The following LIMCH1 variants were observed in gnomAD, a reference collection of about 807,000 sequenced individuals.
LIMCH1 encodes LIM and calponin homology domains-containing protein 1.
In LIMCH1, 113 loss-of-function variants were observed where a neutral mutation model predicts 176.5. The observed-to-expected ratio is 0.64, with a 90% CI of 0.55 to 0.75. LIMCH1 has a LOEUF of 0.75. LIMCH1 is among the 30% of genes least tolerant of loss of function. LIMCH1 has a pLI of 0.00. For synonymous variants in LIMCH1, 619 were observed against 645.9 expected, an observed-to-expected ratio of 0.96 and a Z score of 0.63; for missense variants, 1,674 against 1,814.9, an observed-to-expected ratio of 0.92 and a Z score of 1.41.
chr4:41,491,147 C>G (rs2070822375), intron 1 of LIMCH1, among the ~76,000 whole-genome samples: 1 of 151,278 alleles, frequency 6.6e-6, no homozygotes, highest in Non-Finnish European at 1.5e-5. Flanking sequence ...AGGCGCTCCC[C>G]ACCTCCCAGA....
intron 7 of LIMCH1, among the ~76,000 whole-genome samples, chr4:41,624,290 A>G (rs910939949): frequency 6.6e-6 from 1 of 152,094 alleles, no homozygotes; most frequent in African/African-American, 2.4e-5. Context: ...TACAGAGGGG[A>G]AAACAAGGCA....
chr4:41,634,469 C>G (rs184439318), intron 13 of LIMCH1, among the ~76,000 whole-genome samples: 4 of 152,310 alleles, frequency 2.6e-5, no homozygotes, highest in Non-Finnish European at 5.9e-5. Flanking sequence ...CAATGGAGTT[C>G]TGCTTCTCCA....
chr4:41,595,595 G>T (rs2088601534), intron 1 of LIMCH1, among the ~76,000 whole-genome samples: 1 of 152,136 alleles, frequency 6.6e-6, no homozygotes, highest in African/African-American at 2.4e-5. Context: ...CCTCAGAACA[G>T]ACCTGGTAGC....
intron 1 of LIMCH1, among the ~76,000 whole-genome samples, chr4:41,583,206 C>A (rs143537394): frequency 3.9e-5 from 6 of 152,172 alleles, no homozygotes; most frequent in African/African-American, 7.2e-5. Flanking sequence ...GCCCCACACA[C>A]CTTATAGGGC....
intron 1 of LIMCH1, among the ~76,000 whole-genome samples, chr4:41,400,166 A>G (rs1375947533): frequency 1.3e-5 from 2 of 152,156 alleles, no homozygotes; most frequent in African/African-American, 4.8e-5. Context: ...GAAATAAAAT[A>G]TACAACTGAA....
In LIMCH1 at chr4:41,646,182, G is replaced by A. The variant is rs1235393605; in HGVS notation, c.2313G>A (p.Glu771=). Residue 771 remains glutamate (E), a synonymous_variant, in exon 16 of 32, where the codon GAG becomes GAA. Coordinates refer to ENST00000503057, the MANE Select transcript of LIMCH1 (RefSeq NM_001330672.2). The part of the protein sequence containing the change: ...RSVSQDLIKK[E]EERKKMEKLL... ...TTTCTCAGGACTTAATCAAGAAAGA[G>A]GAAGAAAGGAAAAAAATGGAGAAGT... 6.2e-7 allele frequency: 1 copy of A among 1,613,982 alleles called. No individual in the cohort carries two copies. The highest frequency in any genetic ancestry group is 8.5e-7 in the Non-Finnish European group (1 of 1,179,952).
At chr4:41,560,478 T>C (rs1342911743) in intron 1 of LIMCH1, among the ~76,000 whole-genome samples, 1 of 152,216 alleles carries the variant, frequency 6.6e-6, no homozygotes, top group Non-Finnish European at 1.5e-5. Context: ...GCTTCTGAAG[T>C]ACATAGACAT....
chr4:41,398,506 G>C (rs1204680515), intron 1 of LIMCH1, among the ~76,000 whole-genome samples: 1 of 152,056 alleles, frequency 6.6e-6, no homozygotes, highest in African/African-American at 2.4e-5. Flanking sequence ...ATAGAGGCTA[G>C]GAGTAGAACT....
intron 13 of LIMCH1, among the ~76,000 whole-genome samples, chr4:41,634,327 A>G (rs4861122): frequency 0.078 from 11,851 of 152,246 alleles, 774 homozygotes; most frequent in African/African-American, 0.18. Flanking sequence ...TTAGGGTCCT[A>G]TATGTTGAAG....
chr4:41,362,411 C>T (rs2052258984), intron 1 of LIMCH1, among the ~76,000 whole-genome samples: 1 of 152,180 alleles, frequency 6.6e-6, no homozygotes, highest in Admixed American at 6.5e-5. Context: ...CGTACTTATG[C>T]TCCCAGGATA....
At chr4:41,507,108 A>G (rs2074274510) in intron 2 of LIMCH1, among the ~76,000 whole-genome samples, 1 of 152,206 alleles carries the variant, frequency 6.6e-6, no homozygotes, top group African/African-American at 2.4e-5. Flanking sequence ...AGGATCTGAT[A>G]AAGGGTACAC....
intron 3 of LIMCH1, chr4:41,524,516 C>T: frequency 6.7e-7 from 1 of 1,489,722 alleles, no homozygotes; most frequent in Non-Finnish European, 9.4e-7. Flanking sequence ...TCCAATATTC[C>T]TTTGCTCTAA....
At chr4:41,689,340 A>C (rs1379763680) in intron 29 of LIMCH1, among the ~76,000 whole-genome samples, 187 bp from the exon 30 acceptor site, 4 of 152,200 alleles carry the variant, frequency 2.6e-5, no homozygotes, top group Non-Finnish European at 5.9e-5. Flanking sequence ...TTAGTCTGGC[A>C]GTTGTTTGCC....
At chr4:41,488,204 G>T (rs760244488) in intron 1 of LIMCH1, among the ~76,000 whole-genome samples, 1 of 152,078 alleles carries the variant, frequency 6.6e-6, no homozygotes, top group African/African-American at 2.4e-5. Flanking sequence ...ATGTAAAGAC[G>T]TATGAAAAAA....
intron 28 of LIMCH1, among the ~76,000 whole-genome samples, chr4:41,687,463 C>T (rs1721791358): frequency 6.6e-6 from 1 of 152,120 alleles, no homozygotes; most frequent in Admixed American, 6.6e-5. Flanking sequence ...TCCACGGAGT[C>T]CATCGTTTTT....
chr4:41,425,069 C>T (rs916495478), intron 1 of LIMCH1, among the ~76,000 whole-genome samples: 10 of 152,136 alleles, frequency 6.6e-5, no homozygotes, highest in African/African-American at 2.4e-4. Flanking sequence ...AGTGTGACAT[C>T]GTTCATTGCT....
chr4:41,474,313 C>G (rs1400351687), intron 1 of LIMCH1, among the ~76,000 whole-genome samples: 2 of 152,142 alleles, frequency 1.3e-5, no homozygotes, highest in Non-Finnish European at 2.9e-5. Flanking sequence ...GTGGTGAAAC[C>G]CTGTCTCTAC....
At position 41,452,599 on chromosome 4, in the gene LIMCH1, A is replaced by C. The variant is rs138917921; in HGVS notation, c.97-41937A>C. ...CTTTGTCTTCTCATCATACTTGTTT[A>C]ATGCCCTTGCCAGTCTGTAGACTCT... On this transcript the variant is annotated intron_variant, in intron 1 of 26. Coordinates refer to the LIMCH1 transcript ENST00000313860. Among the ~76,000 whole-genome samples, 525 of 152,276 alleles carry C rather than the reference A, an allele frequency of 3.4e-3. 2 individuals carry two copies. The highest frequency in any genetic ancestry group is 0.012 in the African/African-American group (491 of 41,550).
rs555887709 is a variant in LIMCH1, at chr4:41,439,365, C to T, written c.97-55171C>T. Among the ~76,000 whole-genome samples the T allele has an allele frequency of 5.9e-5, 9 of 152,248 alleles. No individual in the cohort carries two copies. In the South Asian group the frequency reaches 1.2e-3, roughly 21 times the overall value. On this transcript the variant is annotated intron_variant, in intron 1 of 26. Transcript: ENST00000313860. Reference sequence around the variant, plus strand: ...CTTTGGAAGGCCAAGGTGCATGGATCGCTTGAGCCCAGGAGTTTGAGACCA... The same window carrying T: ...CTTTGGAAGGCCAAGGTGCATGGATTGCTTGAGCCCAGGAGTTTGAGACCA...
Sources: gnomAD v4.1 joint callset for allele counts (sites outside exome capture counted in the v4.1 genomes callset) on GRCh38, gnomAD v4.1.1 for gene constraint, MANE v1.5 for transcripts, NCBI Gene and HGNC (gene_info 2026-07-23, HGNC 2026-07-21) for gene names.